CFTR: variants seen among roughly 807,000 people sequenced by gnomAD.
The protein encoded by CFTR is cystic fibrosis transmembrane conductance regulator.
CFTR carries 181 observed loss-of-function variants against 171.6 expected under a neutral mutation model. That is an observed-to-expected ratio of 1.05 (90% CI 0.93 to 1.19). The LOEUF is 1.19. Among genes scored for constraint, CFTR ranks in the 50% most tolerant of loss-of-function variants. The probability of loss-of-function intolerance (pLI) is 0.00; values close to 1 mark genes in which losing one functional copy is unlikely to be tolerated. For synonymous variants in CFTR, 583 were observed against 608.0 expected (o/e 0.96, Z 0.60); for missense variants, 1,968 against 1,734.7 (o/e 1.13, Z -2.39).
chr7:117,506,058 G>A (rs932783261), intron 2 of CFTR, among the ~76,000 whole-genome samples: 7 of 152,140 alleles, frequency 4.6e-5, no homozygotes, highest in East Asian at 1.9e-4. Context: ...CTAGAATAGG[G>A]CCTGGCATAT....
intron 22 of CFTR, among the ~76,000 whole-genome samples, chr7:117,633,479 C>T (rs945057569): frequency 1.3e-5 from 2 of 152,076 alleles, no homozygotes; most frequent in African/African-American, 4.8e-5. Context: ...CCTTCCCAAT[C>T]TGTATACCTT....
chr7:117,580,637 C>T (rs185494154), intron 11 of CFTR, among the ~76,000 whole-genome samples: 3 of 152,052 alleles, frequency 2.0e-5, no homozygotes, highest in Admixed American at 1.3e-4. Flanking sequence ...CAGGGTAAAT[C>T]ACATAGCATC....
intron 15 of CFTR, among the ~76,000 whole-genome samples, chr7:117,599,154 C>A (rs1423305139): frequency 6.6e-6 from 1 of 152,106 alleles, no homozygotes; most frequent in African/African-American, 2.4e-5. Context: ...GCCAGTCATG[C>A]CAAATGACCA....
Position 117,592,637 on chromosome 7 carries a change from A to G in CFTR, c.2470A>G (p.Ile824Val). 1.3e-6 allele frequency: 2 copies of G among 1,542,916 alleles called. No homozygotes were observed. The highest frequency in any genetic ancestry group is 1.7e-6 in the Non-Finnish European group (2 of 1,152,428). ...QETGLEISEE[I>V]NEEDLKECFF... ...AACTGGCTTGGAAATAAGTGAAGAAATTAACGAAGAAGACTTAAAGGTAGG... is the reference window on the plus strand; with the variant it reads ...AACTGGCTTGGAAATAAGTGAAGAAGTTAACGAAGAAGACTTAAAGGTAGG... The change falls in exon 14 of 27, where the codon ATT becomes GTT. Residue 824 changes from isoleucine to valine, a missense_variant. Physicochemically the swap from Ile to Val is conservative, Grantham distance 29. Coordinates refer to ENST00000003084, the MANE Select transcript of CFTR (RefSeq NM_000492.4).
intron 15 of CFTR, among the ~76,000 whole-genome samples, chr7:117,596,999 TCTG>T (rs1792140453): frequency 6.6e-6 from 1 of 152,144 alleles, no homozygotes; most frequent in Admixed American, 6.5e-5. Context: ...GTAAAACCAA[TCTG>T]CTGTCTGTAA....
chr7:117,547,147 C>T (rs1799160043), intron 9 of CFTR, among the ~76,000 whole-genome samples: 1 of 152,104 alleles, frequency 6.6e-6, no homozygotes, highest in Admixed American at 6.5e-5. Context: ...GTTAGCTACC[C>T]ATATAATAAA....
intron 17 of CFTR, 39 bp downstream of exon 17, chr7:117,603,821 C>T: frequency 1.2e-6 from 2 of 1,608,468 alleles, no homozygotes; most frequent in South Asian, 1.1e-5. Flanking sequence ...TGCTGATCCA[C>T]CATCAATAGG....
chr7:117,627,184 C>A (rs771534445), intron 21 of CFTR, among the ~76,000 whole-genome samples: 1 of 151,896 alleles, frequency 6.6e-6, no homozygotes, highest in Admixed American at 6.6e-5. Context: ...TATAATATAC[C>A]GGTTATACAG....
intron 24 of CFTR, among the ~76,000 whole-genome samples, chr7:117,660,509 A>C (rs991261625): frequency 8.6e-5 from 13 of 151,966 alleles, no homozygotes; most frequent in African/African-American, 3.1e-4. Flanking sequence ...CAGGCACTGT[A>C]ATCCCAGCTA....
intron 11 of CFTR, among the ~76,000 whole-genome samples, chr7:117,573,393 G>A (rs1791725024): frequency 6.6e-6 from 1 of 152,100 alleles, no homozygotes; most frequent in African/African-American, 2.4e-5. Flanking sequence ...GACCCAATGT[G>A]TTGTATACAC....
chr7:117,582,074 A>T (rs993286432), intron 11 of CFTR, among the ~76,000 whole-genome samples: 4 of 152,072 alleles, frequency 2.6e-5, no homozygotes, highest in South Asian at 2.1e-4. Flanking sequence ...TTTTAGAATT[A>T]AAAAAAATTC....
At chr7:117,579,743 G>A (rs913402627) in intron 11 of CFTR, among the ~76,000 whole-genome samples, 18 of 148,594 alleles carry the variant, frequency 1.2e-4, no homozygotes, top group African/African-American at 3.9e-4. Context: ...ATGGATCAGA[G>A]GAACCAAACA....
At position 117,540,191 on chromosome 7, in the gene CFTR, T is replaced by C. The variant is rs765443528; in HGVS notation, c.961T>C (p.Ser321Pro). Residue 321 changes from serine (S) to proline (P), a missense_variant, in exon 8 of 27, where the codon TCT becomes CCT. By Grantham distance (74) the Ser-to-Pro change is moderately conservative. Transcript: ENST00000003084. Reference protein sequence around the residue: ...FFSGFFVVFLSVLPYALIKGI... With the variant: ...FFSGFFVVFLPVLPYALIKGI... The stretch of plus-strand genomic sequence containing the variant: ...CTCAGGGTTCTTTGTGGTGTTTTTA[T>C]CTGTGCTTCCCTATGCACTAATCAA... 6.2e-7 allele frequency: 1 copy of C among 1,614,144 alleles called. No homozygotes were observed. The highest frequency in any genetic ancestry group is 8.5e-7 in the Non-Finnish European group (1 of 1,179,980).
Position 117,592,207 on chromosome 7 carries a change from A to C in CFTR, c.2040A>C (p.Thr680=). ...SLEGDAPVSW[T]ETKKQSFKQT... ...AAGGAGATGCTCCTGTCTCCTGGAC[A>C]GAAACAAAAAAACAATCTTTTAAAC... Residue 680 remains threonine (T), a synonymous_variant, in exon 14 of 27, where the codon ACA becomes ACC. Transcript: ENST00000003084. The C allele has an allele frequency of 6.2e-7, 1 of 1,613,924 alleles. No individual in the cohort carries two copies. Among genetic ancestry groups the C allele is most frequent in the African/African-American group, 1.3e-5 (1 of 75,064 alleles).
In CFTR at chr7:117,497,428, A is replaced by G. The variant is rs117772701; in HGVS notation, c.54-6825A>G. ...TAATAATGTACAGACATAATGCTTT[A>G]TAGACAACATTGAATTTGGCTCTCA... On this transcript the variant is annotated intron_variant, in intron 1 of 26. Transcript: ENST00000003084. Among the ~76,000 whole-genome samples the G allele has an allele frequency of 1.5e-4, 23 of 152,320 alleles. No individual in the cohort carries two copies. The East Asian group carries it at 4.2e-3, about 28-fold the overall frequency.
Position 117,627,780 on chromosome 7 carries a change from G to T in CFTR, c.3717+10G>T. The T allele has an allele frequency of 1.9e-6, 3 of 1,608,982 alleles. No homozygotes were observed. In the South Asian group the frequency reaches 3.3e-5, roughly 18 times the overall value. On this transcript the variant is annotated intron_variant, in intron 22 of 26. Transcript: ENST00000003084. The stretch of plus-strand genomic sequence containing the variant: ...AAGTCCTGGCCAGAGGGTGAGATTT[G>T]AACACTGCTTGCTTTGTTAGACTGT...
At chr7:117,630,052 A>G (rs1792717971) in intron 22 of CFTR, among the ~76,000 whole-genome samples, 1 of 152,210 alleles carries the variant, frequency 6.6e-6, no homozygotes, top group East Asian at 1.9e-4. Context: ...ATGATAATCT[A>G]AAAGGGAAAA....
intron 3 of CFTR, among the ~76,000 whole-genome samples, chr7:117,509,944 T>A (rs1247124860): frequency 6.6e-6 from 1 of 152,174 alleles, no homozygotes; most frequent in Non-Finnish European, 1.5e-5. Flanking sequence ...TTGGTCTTTA[T>A]GCCTCAGGGA....
chr7:117,546,075 C>A (rs1333100872), intron 9 of CFTR, among the ~76,000 whole-genome samples: 2 of 152,018 alleles, frequency 1.3e-5, no homozygotes, highest in Admixed American at 1.3e-4. Context: ...CTCACTGGAA[C>A]CTCTGCTGCC....
Sources: allele counts gnomAD v4.1 joint callset (sites outside exome capture counted in the v4.1 genomes callset), GRCh38; gene constraint gnomAD v4.1.1; transcripts MANE v1.5; gene names NCBI Gene and HGNC (gene_info 2026-07-23, HGNC 2026-07-21).